CCDC180: variants seen among roughly 807,000 people sequenced by gnomAD.
CCDC180 encodes coiled-coil domain-containing protein 180.
In CCDC180, 154 loss-of-function variants were observed where a neutral mutation model predicts 209.2. That is an observed-to-expected ratio of 0.74 (90% CI 0.65 to 0.84). CCDC180 has a LOEUF of 0.84. Among genes scored for constraint, CCDC180 ranks in the 40% least tolerant of loss-of-function variants. The pLI is 0.00. For missense variants in CCDC180, 1,874 were observed against 1,997.3 expected, an observed-to-expected ratio of 0.94 and a Z score of 1.18; for synonymous variants, 778 against 749.1, an observed-to-expected ratio of 1.04 and a Z score of -0.63.
At position 97,330,734 on chromosome 9, in the gene CCDC180, A is replaced by C. The variant is rs1482421036; in HGVS notation, c.2241A>C (p.Ala747=). The change falls in exon 18 of 37, where the codon GCA becomes GCC. Residue 747 remains alanine, a synonymous_variant. Transcript: ENST00000529487. ...KLEEEKEEKE[A]QEEQESLSVG... ...AGGAAGAGAAGGAGGAGAAGGAGGC[A>C]CAGGAAGAGCAAGAGAGTTTATCTG... 6.2e-7 allele frequency: 1 copy of C among 1,603,682 alleles called. No homozygotes were observed. The highest frequency in any genetic ancestry group is 1.7e-5 in the Admixed American group (1 of 59,970).
Position 97,308,149 on chromosome 9 carries a change from G to C in CCDC180, c.69+17G>C, listed in dbSNP as rs748758421. ...CAGGCTGAGGTAGGAGCCGCCCTCT[G>C]TCCCGCTTTTCTCCATCCCCCTTCC... On this transcript the variant is annotated intron_variant, in intron 2 of 36. Transcript: ENST00000529487. 3.8e-6 allele frequency: 6 copies of C among 1,564,218 alleles called. No individual in the cohort carries two copies. Among genetic ancestry groups the C allele is most frequent in the Non-Finnish European group, 4.3e-6 (5 of 1,156,246 alleles).
intron 33 of CCDC180, 42 bp from the exon 34 acceptor site, chr9:97,371,553 G>C (rs1489378235): frequency 7.5e-7 from 1 of 1,339,480 alleles, no homozygotes; most frequent in Admixed American, 1.7e-5. Flanking sequence ...TTGGAGGGAT[G>C]ATCCTCTCCT....
chr9:97,328,853 C>T (rs1408038867), intron 16 of CCDC180, among the ~76,000 whole-genome samples: 2 of 152,184 alleles, frequency 1.3e-5, no homozygotes, highest in Non-Finnish European at 2.9e-5. Context: ...TCTTAAAGGG[C>T]AAGTATGCCT....
chr9:97,371,812 C>A (rs1019874737), intron 34 of CCDC180, 106 bp downstream of exon 34: 13 of 602,158 alleles, frequency 2.2e-5, no homozygotes, highest in South Asian at 3.0e-5. Flanking sequence ...AACAAGTGAT[C>A]CATTGAGGGG....
intron 18 of CCDC180, among the ~76,000 whole-genome samples, chr9:97,331,049 G>GT (rs200663425): frequency 1.6e-3 from 236 of 145,252 alleles, no homozygotes; most frequent in Non-Finnish European, 2.7e-3. Context: ...AATAGTTGTT[G>GT]TTTTTTTTTC....
Position 97,374,537 on chromosome 9 carries a change from C to T in CCDC180, c.4601-6C>T, listed in dbSNP as rs1056185829. On this transcript the variant is annotated splice_region_variant and splice_polypyrimidine_tract_variant and intron_variant, in intron 34 of 36. Coordinates refer to ENST00000529487, the MANE Select transcript of CCDC180 (RefSeq NM_020893.6). ...CTGCAGTCACTAGCCTGTCTTTTGCCTCTAGGGATGGAGCCCCCCAAACAG... is the reference window on the plus strand; with the variant it reads ...CTGCAGTCACTAGCCTGTCTTTTGCTTCTAGGGATGGAGCCCCCCAAACAG... 3 of 1,611,668 alleles carry T rather than the reference C, an allele frequency of 1.9e-6. No homozygotes were observed. The highest frequency in any genetic ancestry group is 2.5e-6 in the Non-Finnish European group (3 of 1,178,212).
intron 32 of CCDC180, 79 bp downstream of exon 32, chr9:97,370,161 G>T (rs969621896): frequency 6.7e-7 from 1 of 1,481,548 alleles, no homozygotes; most frequent in East Asian, 2.3e-5. Context: ...GTTGTGGGCA[G>T]GGCCAAGTCC....
Position 97,370,648 on chromosome 9 carries a change from A to G in CCDC180, c.4358A>G (p.Asn1453Ser). The part of the protein sequence containing the change: ...QKRLEKRKDK[N>S]AQKLHLNLGH... ...TGGATTGTTTGATTAAAGGACAAAA[A>G]TGCCCAGAAGCTCCATCTAAATCTT... The change falls in exon 33 of 37, where the codon AAT becomes AGT. Residue 1453 changes from asparagine (N) to serine (S), a missense_variant. By Grantham distance (46) the Asn-to-Ser change is conservative. Transcript: ENST00000529487. The G allele has an allele frequency of 6.2e-7, 1 of 1,613,648 alleles. No individual in the cohort carries two copies.
At chr9:97,315,847 G>A (rs774753040) in intron 8 of CCDC180, among the ~76,000 whole-genome samples, 6 of 152,178 alleles carry the variant, frequency 3.9e-5, no homozygotes, top group Admixed American at 2.0e-4. Flanking sequence ...AGCTTGCTGC[G>A]TCGTTAAATG....
chr9:97,371,678 G>A lies in CCDC180; in HGVS notation c.4572G>A (p.Val1524=). The A allele has an allele frequency of 6.2e-7, 1 of 1,605,320 alleles. No individual in the cohort carries two copies. The highest frequency in any genetic ancestry group is 8.5e-7 in the Non-Finnish European group (1 of 1,172,906). ...AGTTCCTACTGCAGTTGGATGAGGT[G>A]GTCACCATTGACGATGTCCAGGTTG... The part of the protein sequence containing the change: ...TEKFLLQLDE[V]VTIDDVQVAR... Residue 1524 remains valine, a synonymous_variant, in exon 34 of 37, where the codon GTG becomes GTA. Transcript: ENST00000529487.
chr9:97,331,131 A>G (rs1825733057), intron 18 of CCDC180, among the ~76,000 whole-genome samples: 1 of 150,006 alleles, frequency 6.7e-6, no homozygotes. Context: ...CCTAGTATCC[A>G]TGTGTTCTTT....
rs1402704732 is a variant in CCDC180, at chr9:97,366,470, G to A, written c.4048-89G>A. ...ATGCCACGAGCAAAGGCTAGGGAGT[G>A]TGGAGGTGAGGGCAGGCTGGTGGAT... On this transcript the variant is annotated intron_variant, in intron 30 of 36. Coordinates refer to ENST00000529487, the MANE Select transcript of CCDC180 (RefSeq NM_020893.6). The surrounding 1 kb of genome is among the most constrained non-coding windows in gnomAD (Gnocchi z 4.3). The A allele has an allele frequency of 4.5e-6, 6 of 1,340,146 alleles. No individual in the cohort carries two copies. Among genetic ancestry groups the A allele is most frequent in the African/African-American group, 1.5e-5 (1 of 68,522 alleles). 83.0% of individuals were successfully genotyped at this position (1,340,146 alleles called of 1,614,324 possible). A position where few individuals can be genotyped will look rare whatever the true frequency, so the allele number is the denominator to read the frequency against.
rs368465481 is a variant in CCDC180, at chr9:97,320,324, G to A, written c.1159+119G>A. On this transcript the variant is annotated intron_variant, in intron 11 of 36. Coordinates refer to ENST00000529487, the MANE Select transcript of CCDC180 (RefSeq NM_020893.6). The stretch of plus-strand genomic sequence containing the variant: ...CATGGGGAGGAGGGATGGGGGTGTG[G>A]CAGGAAAAGTGAGCTCTGAGGGCTC... The A allele has an allele frequency of 4.0e-5, 39 of 965,852 alleles. No homozygotes were observed. The East Asian group carries it at 7.5e-4, about 19-fold the overall frequency. 59.8% of individuals were successfully genotyped at this position (965,852 alleles called of 1,614,324 possible).
At position 97,325,055 on chromosome 9, in the gene CCDC180, C is replaced by G; in HGVS notation, c.1408C>G (p.Gln470Glu). Residue 470 changes from glutamine (Q) to glutamate (E), a missense_variant, in exon 14 of 37, where the codon CAG becomes GAG. Transcript: ENST00000529487. Reference protein sequence around the residue: ...FETLADQTEWQSSHLFKYFQE... With the variant: ...FETLADQTEWESSHLFKYFQE... ...GACTCTGGCAGATCAGACAGAGTGGCAGAGTTCACACCTCTTCAAGTATTT... is the reference window on the plus strand; with the variant it reads ...GACTCTGGCAGATCAGACAGAGTGGGAGAGTTCACACCTCTTCAAGTATTT... 1 of 1,614,008 alleles carries G rather than the reference C, an allele frequency of 6.2e-7. No individual in the cohort carries two copies. The highest frequency in any genetic ancestry group is 8.5e-7 in the Non-Finnish European group (1 of 1,179,990).
At chr9:97,350,384 C>T in intron 21 of CCDC180, 25 bp from the exon 22 acceptor site, 1 of 1,534,208 alleles carries the variant, frequency 6.5e-7, no homozygotes. Context: ...CCATCACTGT[C>T]CTGTTCCTCC....
intron 20 of CCDC180, among the ~76,000 whole-genome samples, chr9:97,348,619 C>T (rs999847034): frequency 1.3e-5 from 2 of 152,118 alleles, no homozygotes; most frequent in African/African-American, 4.8e-5. Context: ...GGACTCTCTG[C>T]TCATTTAAAG....
At chr9:97,357,874 CCT>C (rs1471010789) in intron 25 of CCDC180, 149 bp downstream of exon 25, 1 of 585,578 alleles carries the variant, frequency 1.7e-6, no homozygotes, top group Admixed American at 3.4e-5. Flanking sequence ...CTACTTAACC[CCT>C]GTTTCATGGA....
chr9:97,316,518 G>A (rs995762305), intron 8 of CCDC180, among the ~76,000 whole-genome samples: 2 of 152,178 alleles, frequency 1.3e-5, no homozygotes, highest in African/African-American at 2.4e-5. Context: ...ATCTAAGCAG[G>A]GGCAAGTATG....
In CCDC180 at chr9:97,374,634, T is replaced by A. The variant is rs1587840383; in HGVS notation, c.4692T>A (p.Ile1564=). ...AGGAAGAGAGTGAGAAACCCCTGATTGAACGTGGAAGCAGGTGAGAACCAA... is the reference window on the plus strand; with the variant it reads ...AGGAAGAGAGTGAGAAACCCCTGATAGAACGTGGAAGCAGGTGAGAACCAA... ...SLKEESEKPL[I]ERGSRKWPGI... is the part of the protein sequence containing the mutation. The change falls in exon 35 of 37, where the codon ATT becomes ATA. Residue 1564 remains isoleucine (I), a synonymous_variant. Transcript: ENST00000529487. The A allele has an allele frequency of 6.2e-7, 1 of 1,613,882 alleles. No homozygotes were observed. The highest frequency in any genetic ancestry group is 1.1e-5 in the South Asian group (1 of 91,080).
Sources: allele counts gnomAD v4.1 joint callset (sites outside exome capture counted in the v4.1 genomes callset), GRCh38; gene constraint gnomAD v4.1.1; non-coding constraint Gnocchi (gnomAD v3.1); transcripts MANE v1.5; gene names NCBI Gene and HGNC (gene_info 2026-07-23, HGNC 2026-07-21).